The following KSR2 variants were observed in gnomAD, a reference collection of about 807,000 sequenced individuals.
KSR2 encodes the protein kinase suppressor of ras 2.
KSR2 carries 25 observed loss-of-function variants against 107.8 expected under a neutral mutation model. That is an observed-to-expected ratio of 0.23 (90% confidence interval 0.17 to 0.32). KSR2 has a LOEUF of 0.32. Among genes scored for constraint, KSR2 ranks in the 10% least tolerant of loss-of-function variants. The probability of loss-of-function intolerance (pLI) is 1.00; values close to 1 mark genes in which losing one functional copy is unlikely to be tolerated. For missense variants in KSR2, 887 were observed against 1,268.9 expected, an observed-to-expected ratio of 0.70 and a Z score of 4.57; for synonymous variants, 480 against 507.0, an observed-to-expected ratio of 0.95 and a Z score of 0.71.
chr12:117,736,825 A>G (rs5801251), intron 4 of KSR2, among the ~76,000 whole-genome samples: 29 of 150,436 alleles, frequency 1.9e-4, no homozygotes, highest in South Asian at 4.2e-4. Flanking sequence ...AAAAAAAAAA[A>G]AAGAAAAGAA....
At chr12:117,571,979 C>G (rs914498697) in intron 7 of KSR2, among the ~76,000 whole-genome samples, 1 of 152,112 alleles carries the variant, frequency 6.6e-6, no homozygotes, top group African/African-American at 2.4e-5. Context: ...CCTCCCACCC[C>G]CATCCTATCC....
chr12:117,874,077 C>G (rs1247614856), intron 1 of KSR2, among the ~76,000 whole-genome samples: 3 of 152,176 alleles, frequency 2.0e-5, no homozygotes, highest in African/African-American at 7.2e-5. Context: ...AAAGATAAAG[C>G]TGATTCTTTC....
intron 1 of KSR2, among the ~76,000 whole-genome samples, chr12:117,936,869 G>T (rs1895864663): frequency 6.6e-6 from 1 of 152,184 alleles, no homozygotes; most frequent in South Asian, 2.1e-4. Flanking sequence ...CATAAGCTGG[G>T]ATGAAGCTGA....
intron 1 of KSR2, among the ~76,000 whole-genome samples, chr12:117,933,683 T>A (rs1895757203): frequency 6.6e-6 from 1 of 152,116 alleles, no homozygotes; most frequent in Admixed American, 6.5e-5. Flanking sequence ...AACAGCAAAG[T>A]CATAAAGTAC....
intron 4 of KSR2, among the ~76,000 whole-genome samples, chr12:117,700,618 T>C (rs146451571): frequency 1.5e-4 from 23 of 152,340 alleles, no homozygotes; most frequent in African/African-American, 5.5e-4. Context: ...TACGGAGATA[T>C]ATAAAGTCTG....
intron 3 of KSR2, among the ~76,000 whole-genome samples, chr12:117,771,891 C>T (rs1027540424): frequency 1.5e-5 from 2 of 132,188 alleles, no homozygotes; most frequent in African/African-American, 5.4e-5. Flanking sequence ...CGCACAAACA[C>T]ACAGTCACAC....
chr12:117,840,001 AG>A (rs1041775845), intron 3 of KSR2, among the ~76,000 whole-genome samples: 1 of 152,250 alleles, frequency 6.6e-6, no homozygotes, highest in African/African-American at 2.4e-5. Flanking sequence ...GGCAAAAGAA[AG>A]AAAATCATCA....
chr12:117,623,288 T>C (rs907633441), intron 5 of KSR2, among the ~76,000 whole-genome samples: 1 of 152,220 alleles, frequency 6.6e-6, no homozygotes, highest in African/African-American at 2.4e-5. Flanking sequence ...ACATGCAGGT[T>C]TGATACATAG....
intron 3 of KSR2, among the ~76,000 whole-genome samples, chr12:117,782,400 A>T (rs923593488): frequency 6.6e-6 from 1 of 152,122 alleles, no homozygotes; most frequent in African/African-American, 2.4e-5. Context: ...AGTAGCTAGG[A>T]CTATAGGCGT....
intron 1 of KSR2, among the ~76,000 whole-genome samples, chr12:117,911,393 G>C (rs1384007302): frequency 1.3e-5 from 2 of 152,036 alleles, no homozygotes; most frequent in Non-Finnish European, 2.9e-5. Context: ...CCTTCCTCCT[G>C]GGTCCAAAAT....
At chr12:117,697,064 G>A (rs1886093630) in intron 4 of KSR2, among the ~76,000 whole-genome samples, 2 of 152,238 alleles carry the variant, frequency 1.3e-5, no homozygotes, top group East Asian at 1.9e-4. Context: ...ACCATTTTGC[G>A]GACGCTAGTT....
intron 5 of KSR2, among the ~76,000 whole-genome samples, chr12:117,633,137 C>T (rs1428513658): frequency 2.0e-5 from 3 of 152,204 alleles, no homozygotes; most frequent in Admixed American, 1.3e-4. Context: ...TATCAAAAGA[C>T]ATTTTTCAGC....
chr12:117,658,122 C>T (rs536430119), intron 5 of KSR2, among the ~76,000 whole-genome samples: 11 of 152,172 alleles, frequency 7.2e-5, no homozygotes, highest in East Asian at 1.9e-4. Context: ...ATTCATGTGA[C>T]GGGGCAGAGA....
chr12:117,692,907 T>C (rs1326640762), intron 4 of KSR2, among the ~76,000 whole-genome samples: 1 of 152,140 alleles, frequency 6.6e-6, no homozygotes, highest in Non-Finnish European at 1.5e-5. Flanking sequence ...GCTAGGGAAT[T>C]GGGAGTAACT....
chr12:117,710,196 C>T lies in KSR2; in HGVS notation c.987-42538G>A, dbSNP rs528210933. Among the ~76,000 whole-genome samples the T allele has an allele frequency of 7.2e-5, 11 of 151,922 alleles. No homozygotes were observed. In the South Asian group the frequency reaches 1.0e-3, roughly 14 times the overall value. ...GCCATTTGAATACGGCCTCTTGCTC[C>T]GAACCATCAAACCATCGCTGCTGTT... On this transcript the variant is annotated intron_variant, in intron 4 of 19. Transcript: ENST00000339824.
At chr12:117,717,704 T>C (rs397850038) in intron 4 of KSR2, among the ~76,000 whole-genome samples, 1 of 114,942 alleles carries the variant, frequency 8.7e-6, no homozygotes, top group African/African-American at 3.7e-5. Flanking sequence ...TGTGTGTGTG[T>C]GTGTGTGTGC....
intron 4 of KSR2, among the ~76,000 whole-genome samples, chr12:117,741,701 G>GA (rs1281273065): frequency 1.3e-5 from 2 of 152,060 alleles, no homozygotes; most frequent in Non-Finnish European, 2.9e-5. Context: ...CAGTCTCTTA[G>GA]AAAAATAGTG....
At chr12:117,625,615 T>A (rs60245509) in intron 5 of KSR2, among the ~76,000 whole-genome samples, 1 of 152,240 alleles carries the variant, frequency 6.6e-6, no homozygotes, top group South Asian at 2.1e-4. Context: ...CAGTATTTTA[T>A]TGAGGATTTT....
rs11068689 is a variant in KSR2 at position 117,821,473 on chromosome 12, G to A, written c.472+33955C>T. ...TTAATAACATTTTCTTTTCTCTACC[G>A]TACTTTATTGTAGGAATACGTATAT... On this transcript the variant is annotated intron_variant, in intron 3 of 19. Transcript: ENST00000339824. Among the ~76,000 whole-genome samples the A allele has an allele frequency of 1.9e-3, 289 of 151,864 alleles. 2 individuals carry two copies. The highest frequency in any genetic ancestry group is 8.7e-3 in the Admixed American group (133 of 15,270).
Sources: gnomAD v4.1 joint callset for allele counts (sites outside exome capture counted in the v4.1 genomes callset) on GRCh38, gnomAD v4.1.1 for gene constraint, MANE v1.5 for transcripts, NCBI Gene and HGNC (gene_info 2026-07-23, HGNC 2026-07-21) for gene names.